GPT: variants seen among roughly 807,000 people sequenced by gnomAD.
The protein encoded by GPT is glutamic--pyruvic transaminase, also known as alanine aminotransferase 1.
GPT carries 60 observed loss-of-function variants against 51.4 expected under a neutral mutation model. The observed-to-expected ratio is 1.17, with a 90% CI of 0.95 to 1.45. The LOEUF is 1.45. GPT is among the 40% of genes most tolerant of loss of function. The pLI, the probability that GPT is intolerant of heterozygous loss-of-function variation, is 0.00. For missense variants in GPT, 853 were observed against 704.0 expected (o/e 1.21, Z -2.40); for synonymous variants, 397 against 303.1 (o/e 1.31, Z -3.22).
rs772157593 is a variant in GPT at position 144,506,248 on chromosome 8, G to T, written c.973G>T (p.Gly325Cys). 2 of 1,606,996 alleles carry T rather than the reference G, an allele frequency of 1.2e-6. No individual in the cohort carries two copies. Among genetic ancestry groups the T allele is most frequent in the South Asian group, 1.1e-5 (1 of 90,748 alleles). ...CGTGCGCAGGTGCGGGTTCCGCGGCGGCTATGTGGAGGTGGTGAACATGGA... is the reference window on the plus strand; with the variant it reads ...CGTGCGCAGGTGCGGGTTCCGCGGCTGCTATGTGGAGGTGGTGAACATGGA... Reference protein sequence around the residue: ...GYMGECGFRGGYVEVVNMDAA... With the variant: ...GYMGECGFRGCYVEVVNMDAA... The change falls in exon 8 of 11, where the codon GGC (glycine) becomes TGC (cysteine). Residue 325 changes from glycine to cysteine, a missense_variant. Physicochemically the swap from Gly to Cys is radical, Grantham distance 159 (BLOSUM62 -3). Coordinates refer to ENST00000394955, the MANE Select transcript of GPT (RefSeq NM_005309.3). The surrounding 1 kb of genome is among the most constrained non-coding windows in gnomAD (Gnocchi z 7.0).
At chr8:144,505,779 C>T in intron 5 of GPT, 69 bp from the exon 6 acceptor site, 4 of 1,479,302 alleles carry the variant, frequency 2.7e-6, no homozygotes, top group Non-Finnish European at 3.6e-6. Context: ...CCGCTGGACC[C>T]CGGCTGCCCA....
At chr8:144,503,755 G>C (rs1426796083), upstream of GPT, 3 of 159,460 alleles carry the variant, frequency 1.9e-5, no homozygotes, top group Non-Finnish European at 2.7e-5. Context: ...GGTGCCACGA[G>C]GGCCAGGCCT....
chr8:144,505,111 G>A lies in GPT; in HGVS notation c.475G>A (p.Gly159Arg), dbSNP rs780726435. 1 of 1,613,108 alleles carries A rather than the reference G, an allele frequency of 6.2e-7. No individual in the cohort carries two copies. The highest frequency in any genetic ancestry group is 8.5e-7 in the Non-Finnish European group (1 of 1,180,004). ...CCCCAACAACGTCTTCCTGTCCACAGGGGCCAGCGATGCCATCGTGGTAGG... is the reference window on the plus strand; with the variant it reads ...CCCCAACAACGTCTTCCTGTCCACAAGGGCCAGCGATGCCATCGTGGTAGG... The part of the protein sequence containing the change: ...ADPNNVFLST[G>R]ASDAIVTVLK... Residue 159 changes from glycine (G) to arginine (R), a missense_variant, in exon 4 of 11, where the codon GGG becomes AGG. By Grantham distance (125) the Gly-to-Arg change is moderately radical. Coordinates refer to ENST00000394955, the MANE Select transcript of GPT (RefSeq NM_005309.3).
In GPT at chr8:144,504,821, T is replaced by C; in HGVS notation, c.303T>C (p.Pro101=). Residue 101 remains proline, a synonymous_variant, in exon 3 of 11, where the codon CCT becomes CCC. Coordinates refer to ENST00000394955, the MANE Select transcript of GPT (RefSeq NM_005309.3). ...ATCTTCTGAGCAGCCCCAACTTCCC[T>C]GACGATGCCAAGAAAAGGGCGGAGC... ...NPDLLSSPNF[P]DDAKKRAERI... is the part of the protein sequence containing the mutation. 4 of 1,613,240 alleles carry C rather than the reference T, an allele frequency of 2.5e-6. No homozygotes were observed. The highest frequency in any genetic ancestry group is 3.4e-6 in the Non-Finnish European group (4 of 1,179,838).
chr8:144,503,885 A>T, upstream of GPT: 1 of 246,488 alleles, frequency 4.1e-6, no homozygotes, highest in Non-Finnish European at 8.0e-6. Flanking sequence ...CCTCCTGAGC[A>T]CCCCAGGTGC....
At position 144,506,194 on chromosome 8, in the gene GPT, G is replaced by A. The variant is rs200081242; in HGVS notation, c.957-38G>A. ...TGGCCAGGCCCTCCTCGCCCGATGG[G>A]CCACCCCCTCCTCCGCACCTGACCT... On this transcript the variant is annotated intron_variant, in intron 7 of 10. Transcript: ENST00000394955. The surrounding 1 kb of genome is among the most constrained non-coding windows in gnomAD (Gnocchi z 7.0). 34 of 1,601,398 alleles carry A rather than the reference G, an allele frequency of 2.1e-5. No homozygotes were observed. The African/African-American group carries it at 4.0e-4, about 19-fold the overall frequency.
At chr8:144,505,606 C>G (rs1181138619) in intron 5 of GPT, 117 bp downstream of exon 5, 31 of 245,800 alleles carry the variant, frequency 1.3e-4, no homozygotes, top group Non-Finnish European at 2.0e-4. Context: ...CCACTCCCCC[C>G]GCGCCCACGG....
At chr8:144,504,049 C>T (rs1826662693), upstream of GPT, 3 of 561,310 alleles carry the variant, frequency 5.3e-6, no homozygotes, top group South Asian at 2.0e-5. Context: ...ACCTCACCCA[C>T]TGCCTCTGCC....
rs776969044 is a variant in GPT at position 144,506,198 on chromosome 8, C to T, written c.957-34C>T. Reference sequence around the variant, plus strand: ...CAGGCCCTCCTCGCCCGATGGGCCACCCCCTCCTCCGCACCTGACCTGGCC... The same window carrying T: ...CAGGCCCTCCTCGCCCGATGGGCCATCCCCTCCTCCGCACCTGACCTGGCC... On this transcript the variant is annotated intron_variant, in intron 7 of 10. Transcript: ENST00000394955. This position sits in a 1 kb window ranked among gnomAD's most constrained non-coding sequence, Gnocchi z 7.0. 1 of 1,600,848 alleles carries T rather than the reference C, an allele frequency of 6.2e-7. No individual in the cohort carries two copies. Among genetic ancestry groups the T allele is most frequent in the African/African-American group, 1.3e-5 (1 of 74,740 alleles).
Position 144,506,316 on chromosome 8 carries a change from G to T in GPT, c.1041G>T (p.Arg347=), listed in dbSNP as rs1353808798. Residue 347 remains arginine (R), a synonymous_variant, in exon 8 of 11, where the codon CGG becomes CGT. Coordinates refer to ENST00000394955, the MANE Select transcript of GPT (RefSeq NM_005309.3). This position sits in a 1 kb window ranked among gnomAD's most constrained non-coding sequence, Gnocchi z 7.0. ...QQQMLKLMSV[R]LCPPVPGQAL... The stretch of plus-strand genomic sequence containing the variant: ...AGATGCTGAAGCTGATGAGTGTGCG[G>T]CTGTGCCCGCCGGTGCCAGGACAGG... 6.4e-7 allele frequency: 1 copy of T among 1,564,210 alleles called. No individual in the cohort carries two copies. The highest frequency in any genetic ancestry group is 2.4e-5 in the East Asian group (1 of 42,054).
intron 4 of GPT, 29 bp downstream of exon 4, chr8:144,505,160 C>T: frequency 4.3e-6 from 7 of 1,612,858 alleles, no homozygotes; most frequent in Non-Finnish European, 5.9e-6. Flanking sequence ...CCAAGACATT[C>T]CTGACACTGC....
At chr8:144,503,645 C>A, upstream of GPT, 1 of 162,152 alleles carries the variant, frequency 6.2e-6, no homozygotes, top group South Asian at 1.7e-4. Flanking sequence ...AGATGGAACC[C>A]AGAGCCTGAA....
chr8:144,504,862 G>A lies in GPT; in HGVS notation c.344G>A (p.Cys115Tyr). The A allele has an allele frequency of 6.2e-7, 1 of 1,613,326 alleles. No individual in the cohort carries two copies. The highest frequency in any genetic ancestry group is 8.5e-7 in the Non-Finnish European group (1 of 1,180,018). ...AGGGCGGAGCGCATCTTGCAGGCGTGTGGGGGCCACAGTCTGGGTGAGAGC... is the reference window on the plus strand; with the variant it reads ...AGGGCGGAGCGCATCTTGCAGGCGTATGGGGGCCACAGTCTGGGTGAGAGC... ...KKRAERILQA[C>Y]GGHSLGAYSV... The change falls in exon 3 of 11, where the codon TGT becomes TAT. Residue 115 changes from cysteine (C) to tyrosine (Y), a missense_variant. Transcript: ENST00000394955.
chr8:144,504,236 G>GCTGT lies in GPT; in HGVS notation c.-67_-64dup. ...GCCCTGGCCCACTAAGCCAGACCCA[G>GCTGT]CTGTCGCCATTCCCACTTCTGGTCC... On this transcript the variant is annotated 5_prime_UTR_variant, in exon 1 of 11. Coordinates refer to ENST00000394955, the MANE Select transcript of GPT (RefSeq NM_005309.3). The GCTGT allele has an allele frequency of 1.3e-6, 2 of 1,547,420 alleles. No homozygotes were observed. The highest frequency in any genetic ancestry group is 1.7e-6 in the Non-Finnish European group (2 of 1,143,634).
chr8:144,507,060 G>C lies in GPT; in HGVS notation c.*60G>C. 1.9e-6 allele frequency: 2 copies of C among 1,043,114 alleles called. No homozygotes were observed. Among genetic ancestry groups the C allele is most frequent in the Non-Finnish European group, 2.9e-6 (2 of 688,876 alleles). 64.6% of individuals were successfully genotyped at this position (1,043,114 alleles called of 1,614,324 possible). ...ACTGTGTGCTCAGGAGCCCTGGGAG[G>C]CTCTGGAGCCCACTGTACTTGCTCT... On this transcript the variant is annotated 3_prime_UTR_variant, in exon 11 of 11. Coordinates refer to ENST00000394955, the MANE Select transcript of GPT (RefSeq NM_005309.3).
chr8:144,504,888 C>T lies in GPT; in HGVS notation c.361+9C>T. 6.2e-7 allele frequency: 1 copy of T among 1,613,048 alleles called. No individual in the cohort carries two copies. The highest frequency in any genetic ancestry group is 1.6e-4 in the Middle Eastern group (1 of 6,062). ...TGGGGGCCACAGTCTGGGTGAGAGC[C>T]AGGGCCAGGAGGAAGCAGAGGGCCG... is the stretch of plus-strand genomic sequence containing the variant. On this transcript the variant is annotated intron_variant, in intron 3 of 10. Transcript: ENST00000394955.
Position 144,505,962 on chromosome 8 carries a change from A to G in GPT, c.820-33A>G, listed in dbSNP as rs1826781201. 1.9e-6 allele frequency: 3 copies of G among 1,611,984 alleles called. No individual in the cohort carries two copies. The African/African-American group carries it at 4.0e-5, about 22-fold the overall frequency. Reference sequence around the variant, plus strand: ...GCGGGGGAGCGGGAAGCCGGGCAACAGTCCGCCCCCGTGACGCCTTGCGCC... The same window carrying G: ...GCGGGGGAGCGGGAAGCCGGGCAACGGTCCGCCCCCGTGACGCCTTGCGCC... On this transcript the variant is annotated intron_variant, in intron 6 of 10. Coordinates refer to ENST00000394955, the MANE Select transcript of GPT (RefSeq NM_005309.3).
At position 144,506,854 on chromosome 8, in the gene GPT, G is replaced by C; in HGVS notation, c.1400+11G>C. 6.2e-7 allele frequency: 1 copy of C among 1,612,446 alleles called. No homozygotes were observed. The highest frequency in any genetic ancestry group is 8.5e-7 in the Non-Finnish European group (1 of 1,179,602). ...CACCTACCACTTCCGGTGAGGCCTG[G>C]CCCTCACTCCCTGTCCCGCCACCCT... On this transcript the variant is annotated intron_variant, in intron 10 of 10. Coordinates refer to ENST00000394955, the MANE Select transcript of GPT (RefSeq NM_005309.3). The surrounding 1 kb of genome is among the most constrained non-coding windows in gnomAD (Gnocchi z 7.0).
chr8:144,505,371 C>T lies in GPT; in HGVS notation c.621C>T (p.Tyr207=), dbSNP rs1475359792. ...TGGGCGCAGTGCAGGTGGATTACTA[C>T]CTGGACGAGGAGCGTGCCTGGGCGC... The part of the protein sequence containing the change: ...AELGAVQVDY[Y]LDEERAWALD... The change falls in exon 5 of 11, where the codon TAC becomes TAT. Residue 207 remains tyrosine (Y), a synonymous_variant. Coordinates refer to ENST00000394955, the MANE Select transcript of GPT (RefSeq NM_005309.3). 1.5e-5 allele frequency: 24 copies of T among 1,586,560 alleles called. No homozygotes were observed. Among genetic ancestry groups the T allele is most frequent in the Non-Finnish European group, 2.1e-5 (24 of 1,167,414 alleles).
Sources: allele counts gnomAD v4.1 joint callset, GRCh38; gene constraint gnomAD v4.1.1; non-coding constraint Gnocchi (gnomAD v3.1); transcripts MANE v1.5; gene names NCBI Gene and HGNC (gene_info 2026-07-23, HGNC 2026-07-21).